The following KRTAP4-11 variants were observed in gnomAD, a reference collection of about 807,000 sequenced individuals.
KRTAP4-11 encodes the protein keratin associated protein 4-11.
Under a neutral mutation model 3.4 loss-of-function variants are expected in KRTAP4-11, and 3 were observed. That is an observed-to-expected ratio of 0.87 (90% CI 0.40 to 2.26). KRTAP4-11 has a LOEUF of 2.26. Among genes scored for constraint, KRTAP4-11 ranks in the 30% most tolerant of loss-of-function variants. The pLI is 0.05. For missense variants in KRTAP4-11, 248 were observed against 258.8 expected, an observed-to-expected ratio of 0.96 and a Z score of 0.29; for synonymous variants, 94 against 89.4, an observed-to-expected ratio of 1.05 and a Z score of -0.29.
rs1472944735 is a variant in KRTAP4-11, at chr17:41,117,878, G to T, written c.438C>A (p.Arg146=). The change falls in exon 1 of 1, where the codon CGC becomes CGA. Residue 146 remains arginine (R), a synonymous_variant. Transcript: ENST00000391413. ...AGCAGCTGGATTCACAGCAAGAGGG[G>T]CGGCAGCAGCTGGAGATGCTGCAGC... ...HPSCSISSCC[R]PSCCESSCCR... 14 of 1,611,616 alleles carry T rather than the reference G, an allele frequency of 8.7e-6. No homozygotes were observed. The highest frequency in any genetic ancestry group is 1.1e-5 in the Non-Finnish European group (13 of 1,178,910).
Position 41,117,659 on chromosome 17 carries a change from G to A in KRTAP4-11, c.*69C>T. ...CAATCCCACTCCATGTGTCCTAATAGTCAGCACAGAAGAATGGTCTACAAC... is the reference window on the plus strand; with the variant it reads ...CAATCCCACTCCATGTGTCCTAATAATCAGCACAGAAGAATGGTCTACAAC... On this transcript the variant is annotated 3_prime_UTR_variant, in exon 1 of 1. Coordinates refer to ENST00000391413, the MANE Select transcript of KRTAP4-11 (RefSeq NM_033059.4). 6.6e-7 allele frequency: 1 copy of A among 1,508,868 alleles called. No homozygotes were observed. Among genetic ancestry groups the A allele is most frequent in the Non-Finnish European group, 8.9e-7 (1 of 1,123,940 alleles). The allele number at this position is 1,508,868 out of a possible 1,614,324, so 93.5% of individuals were successfully genotyped here. A position where few individuals can be genotyped will look rare whatever the true frequency, so the allele number is the denominator to read the frequency against.
rs1400115369 is a variant in KRTAP4-11, at chr17:41,117,618, C to T, written c.*110G>A. 2.7e-5 allele frequency: 39 copies of T among 1,453,674 alleles called. No homozygotes were observed. In the Admixed American group the frequency reaches 9.4e-4, roughly 35 times the overall value. 90.0% of individuals were successfully genotyped at this position (1,453,674 alleles called of 1,614,324 possible). ...GGGCTCATTGGAAACATGAAGTCCA[C>T]CCTGCTGAATGACATCAATCCCACT... On this transcript the variant is annotated 3_prime_UTR_variant, in exon 1 of 1. Transcript: ENST00000391413.
rs565505867 is a variant in KRTAP4-11, at chr17:41,118,027, GCTGGCAGCACATAGA to G, written c.274_288del (p.Ser92_Gln96del). 3.2e-5 allele frequency: 47 copies of G among 1,481,642 alleles called. No individual in the cohort carries two copies. In the African/African-American group the frequency reaches 6.2e-4, roughly 20 times the overall value. 91.8% of individuals were successfully genotyped at this position (1,481,642 alleles called of 1,614,324 possible). Reference sequence around the variant, plus strand: ...CAGCATCTGGGGCGGCAGCAAGTGGGCTGGCAGCACATAGACTGGCAGCACTGGGGCTTGCAGCAG... The same window carrying G: ...CAGCATCTGGGGCGGCAGCAAGTGGGCTGGCAGCACTGGGGCTTGCAGCAG... On this transcript the variant is annotated inframe_deletion, in exon 1 of 1. Transcript: ENST00000391413.
Position 41,117,588 on chromosome 17 carries a change from G to C in KRTAP4-11, c.*140C>G, listed in dbSNP as rs1597991044. On this transcript the variant is annotated 3_prime_UTR_variant, in exon 1 of 1. Transcript: ENST00000391413. ...ATGTTCTCACAGAGTCAGTGGGATG[G>C]TGATGGGCTCATTGGAAACATGAAG... 2 of 1,337,110 alleles carry C rather than the reference G, an allele frequency of 1.5e-6. No homozygotes were observed. The highest frequency in any genetic ancestry group is 2.5e-5 in the East Asian group (1 of 39,506). 82.8% of individuals were successfully genotyped at this position (1,337,110 alleles called of 1,614,324 possible). A position where few individuals can be genotyped will look rare whatever the true frequency, so the allele number is the denominator to read the frequency against.
At position 41,118,118 on chromosome 17, in the gene KRTAP4-11, G is replaced by A. The variant is rs2014323507; in HGVS notation, c.198C>T (p.Arg66=). 2.5e-6 allele frequency: 4 copies of A among 1,584,900 alleles called. No individual in the cohort carries two copies. The highest frequency in any genetic ancestry group is 2.6e-6 in the Non-Finnish European group (3 of 1,166,996). ...AGCAGCTGGAGATGCAGCATCTGGG[G>A]CGGCAGCAGGTGGGCTGGCAGCACA... ...QSVCCQPTCC[R]PRCCISSCCR... Residue 66 remains arginine, a synonymous_variant, in exon 1 of 1, where the codon CGC becomes CGT. Coordinates refer to ENST00000391413, the MANE Select transcript of KRTAP4-11 (RefSeq NM_033059.4).
chr17:41,117,790 G>A lies in KRTAP4-11; in HGVS notation c.526C>T (p.Arg176Cys), dbSNP rs756399704. Reference protein sequence around the residue: ...GRVSCHTTCYRPTCVISSCPR... With the variant: ...GRVSCHTTCYCPTCVISSCPR... ...CAGCTGGAGATGACACAGGTTGGGC[G>A]ATAGCAAGTGGTGTGGCAGGAGACT... Residue 176 changes from arginine (R) to cysteine (C), a missense_variant, in exon 1 of 1, where the codon CGC becomes TGC. Arg to Cys is a radical substitution (Grantham distance 180). This residue lies in a region of KRTAP4-11 where 131 missense variants were observed against 130.2 expected (regional missense o/e 1.01). Transcript: ENST00000391413. The A allele has an allele frequency of 1.6e-5, 26 of 1,598,218 alleles. No individual in the cohort carries two copies. The highest frequency in any genetic ancestry group is 1.7e-4 in the Middle Eastern group (1 of 6,048).
At position 41,117,547 on chromosome 17, in the gene KRTAP4-11, T is replaced by C. The variant is rs148910881; in HGVS notation, c.*181A>G. The C allele has an allele frequency of 2.0e-3, 2,011 of 1,029,534 alleles. 43 individuals are homozygous for C. The African/African-American group carries it at 0.029, about 15-fold the overall frequency. 63.8% of individuals were successfully genotyped at this position (1,029,534 alleles called of 1,614,324 possible). On this transcript the variant is annotated 3_prime_UTR_variant, in exon 1 of 1. Coordinates refer to ENST00000391413, the MANE Select transcript of KRTAP4-11 (RefSeq NM_033059.4). ...AAGAGAAAGAAAGCAAGGGAGGGAG[T>C]TTAAAATGAACCAGAATGTTCTCAC...
In KRTAP4-11 at chr17:41,117,558, C is replaced by A. The variant is rs955092538; in HGVS notation, c.*170G>T. ...AGCAAGGGAGGGAGTTTAAAATGAA[C>A]CAGAATGTTCTCACAGAGTCAGTGG... On this transcript the variant is annotated 3_prime_UTR_variant, in exon 1 of 1. Coordinates refer to ENST00000391413, the MANE Select transcript of KRTAP4-11 (RefSeq NM_033059.4). 2.1e-5 allele frequency: 24 copies of A among 1,122,206 alleles called. No homozygotes were observed. Among genetic ancestry groups the A allele is most frequent in the Non-Finnish European group, 2.8e-5 (23 of 807,290 alleles). 69.5% of individuals were successfully genotyped at this position (1,122,206 alleles called of 1,614,324 possible).
rs1404323880 is a variant in KRTAP4-11 at position 41,117,632 on chromosome 17, A to G, written c.*96T>C. On this transcript the variant is annotated 3_prime_UTR_variant, in exon 1 of 1. Transcript: ENST00000391413. Reference sequence around the variant, plus strand: ...CATGAAGTCCACCCTGCTGAATGACATCAATCCCACTCCATGTGTCCTAAT... The same window carrying G: ...CATGAAGTCCACCCTGCTGAATGACGTCAATCCCACTCCATGTGTCCTAAT... The G allele has an allele frequency of 7.4e-6, 11 of 1,479,224 alleles. No individual in the cohort carries two copies. The highest frequency in any genetic ancestry group is 9.9e-6 in the Non-Finnish European group (11 of 1,107,626). The allele number at this position is 1,479,224 out of a possible 1,614,324, so 91.6% of individuals were successfully genotyped here.
Position 41,118,231 on chromosome 17 carries a change from A to C in KRTAP4-11, c.85T>G (p.Cys29Gly). The C allele has an allele frequency of 6.2e-7, 1 of 1,610,190 alleles. No homozygotes were observed. Among genetic ancestry groups the C allele is most frequent in the Non-Finnish European group, 8.5e-7 (1 of 1,177,692 alleles). Residue 29 changes from cysteine to glycine, a missense_variant, in exon 1 of 1, where the codon TGC (cysteine) becomes GGC (glycine). This residue lies in a region of KRTAP4-11 where 110 missense variants were observed against 102.8 expected (regional missense o/e 1.07). Coordinates refer to ENST00000391413, the MANE Select transcript of KRTAP4-11 (RefSeq NM_033059.4). ...GTCCTGCAGCAGGTGGTCTCACAGC[A>C]GCTGGGGCGGCAGCAGGTCTCCTGG... ...LCQETCCRPSCCETTCCRTTY... is the reference protein window; with the variant it reads ...LCQETCCRPSGCETTCCRTTY...
chr17:41,118,276 C>T lies in KRTAP4-11; in HGVS notation c.40G>A (p.Gly14Ser), dbSNP rs1299492944. ...TCCTGGCAGAGGTCTCGGCCACAGC[C>T]TTGGTGAGAGCACACGGAGCCACAA... is the stretch of plus-strand genomic sequence containing the variant. ...SCCGSVCSHQ[G>S]CGRDLCQETC... The change falls in exon 1 of 1, where the codon GGC becomes AGC. Residue 14 changes from glycine (G) to serine (S), a missense_variant. Coordinates refer to ENST00000391413, the MANE Select transcript of KRTAP4-11 (RefSeq NM_033059.4). 4 of 1,612,386 alleles carry T rather than the reference C, an allele frequency of 2.5e-6. No individual in the cohort carries two copies. The highest frequency in any genetic ancestry group is 3.4e-6 in the Non-Finnish European group (4 of 1,179,270).
rs187283337 is a variant in KRTAP4-11, at chr17:41,118,310, T to C, written c.6A>G (p.Val2=). Residue 2 remains valine, a synonymous_variant, in exon 1 of 1, where the codon GTA becomes GTG. Transcript: ENST00000391413. M[V]NSCCGSVCSH... is the part of the protein sequence containing the mutation. Reference sequence around the variant, plus strand: ...AGCACACGGAGCCACAACAGGAGTTTACCATGGTGTCAGAGGGTGAAGGAT... The same window carrying C: ...AGCACACGGAGCCACAACAGGAGTTCACCATGGTGTCAGAGGGTGAAGGAT... The C allele has an allele frequency of 5.8e-4, 930 of 1,597,812 alleles. 28 individuals are homozygous for C. In the African/African-American group the frequency reaches 0.011, roughly 19 times the overall value.
rs774381094 is a variant in KRTAP4-11 at position 41,117,915 on chromosome 17, C to T, written c.401G>A (p.Cys134Tyr). 1.9e-6 allele frequency: 3 copies of T among 1,605,392 alleles called. No homozygotes were observed. The highest frequency in any genetic ancestry group is 1.7e-5 in the Admixed American group (1 of 59,136). The change falls in exon 1 of 1, where the codon TGC becomes TAC. Residue 134 changes from cysteine to tyrosine, a missense_variant. Transcript: ENST00000391413. ...CCQSVCCQPT[C>Y]CHPSCSISSC... Reference sequence around the variant, plus strand: ...GGAGATGCTGCAGCTGGGGTGGCAGCAGGTGGGCTGGCAGCACACAGACTG... The same window carrying T: ...GGAGATGCTGCAGCTGGGGTGGCAGTAGGTGGGCTGGCAGCACACAGACTG...
chr17:41,118,019 G>A lies in KRTAP4-11; in HGVS notation c.297C>T (p.Cys99=). The A allele has an allele frequency of 6.8e-7, 1 of 1,476,732 alleles. No homozygotes were observed. Among genetic ancestry groups the A allele is most frequent in the Non-Finnish European group, 9.1e-7 (1 of 1,102,284 alleles). 91.5% of individuals were successfully genotyped at this position (1,476,732 alleles called of 1,614,324 possible). Residue 99 remains cysteine (C), a synonymous_variant, in exon 1 of 1, where the codon TGC becomes TGT. Transcript: ENST00000391413. ...TGGAGATGCAGCATCTGGGGCGGCA[G>A]CAAGTGGGCTGGCAGCACATAGACT... ...CCQSMCCQPT[C]CRPRCCISSC...
chr17:41,118,369 G>A lies in KRTAP4-11; in HGVS notation c.-54C>T. 2 of 1,522,712 alleles carry A rather than the reference G, an allele frequency of 1.3e-6. No homozygotes were observed. The highest frequency in any genetic ancestry group is 1.4e-5 in the African/African-American group (1 of 72,342). 94.3% of individuals were successfully genotyped at this position (1,522,712 alleles called of 1,614,324 possible). ...GTTTCTAGGAGAGTGAAGTTCTTGT[G>A]TTTGGAAGTCTCCTGGGCCTGTAGT... On this transcript the variant is annotated 5_prime_UTR_variant, in exon 1 of 1. Transcript: ENST00000391413.
In KRTAP4-11 at chr17:41,117,721, A is replaced by T. The variant is rs781436756; in HGVS notation, c.*7T>A. ...AGTGAAGGGAGAGATGAGCCAGGGCAGTGGGCTCAGCAGCAAGAGGAGGCA... is the reference window on the plus strand; with the variant it reads ...AGTGAAGGGAGAGATGAGCCAGGGCTGTGGGCTCAGCAGCAAGAGGAGGCA... On this transcript the variant is annotated 3_prime_UTR_variant, in exon 1 of 1. Coordinates refer to ENST00000391413, the MANE Select transcript of KRTAP4-11 (RefSeq NM_033059.4). 8.9e-6 allele frequency: 14 copies of T among 1,570,146 alleles called. No homozygotes were observed. The highest frequency in any genetic ancestry group is 1.1e-5 in the Non-Finnish European group (13 of 1,157,500).
chr17:41,117,717 G>A lies in KRTAP4-11; in HGVS notation c.*11C>T, dbSNP rs1452153097. 3 of 1,567,332 alleles carry A rather than the reference G, an allele frequency of 1.9e-6. No homozygotes were observed. In the African/African-American group the frequency reaches 4.1e-5, roughly 21 times the overall value. ...CTGCAGTGAAGGGAGAGATGAGCCA[G>A]GGCAGTGGGCTCAGCAGCAAGAGGA... On this transcript the variant is annotated 3_prime_UTR_variant, in exon 1 of 1. Transcript: ENST00000391413.
chr17:41,117,678 C>G lies in KRTAP4-11; in HGVS notation c.*50G>C. On this transcript the variant is annotated 3_prime_UTR_variant, in exon 1 of 1. Transcript: ENST00000391413. The stretch of plus-strand genomic sequence containing the variant: ...CTAATAGTCAGCACAGAAGAATGGT[C>G]TACAACTGTGGGCCTGCAGTGAAGG... 1 of 1,535,040 alleles carries G rather than the reference C, an allele frequency of 6.5e-7. No individual in the cohort carries two copies. The highest frequency in any genetic ancestry group is 8.8e-7 in the Non-Finnish European group (1 of 1,138,564).
chr17:41,117,346 A>G lies in KRTAP4-11; in HGVS notation c.*382T>C, dbSNP rs2014298622. 3.8e-6 allele frequency: 1 copy of G among 264,168 alleles called. No individual in the cohort carries two copies. Among genetic ancestry groups the G allele is most frequent in the East Asian group, 7.7e-5 (1 of 12,908 alleles). 16.4% of individuals were successfully genotyped at this position (264,168 alleles called of 1,614,324 possible). ...CAGCCTCCTACCTTTCCAAGAGAAA[A>G]GAATGACTGAAAGGCTGACAGACAA... is the stretch of plus-strand genomic sequence containing the variant. On this transcript the variant is annotated 3_prime_UTR_variant, in exon 1 of 1. Transcript: ENST00000391413.
Sources: allele counts gnomAD v4.1 joint callset, GRCh38; gene constraint gnomAD v4.1.1; regional missense constraint gnomAD v4.1.1; transcripts MANE v1.5; gene names NCBI Gene and HGNC (gene_info 2026-07-23, HGNC 2026-07-21).